The following RORA variants were observed in gnomAD, a reference collection of about 807,000 sequenced individuals.
RORA encodes RAR related orphan receptor A, also known as nuclear receptor ROR-alpha.
RORA carries 7 observed loss-of-function variants against 69.5 expected under a neutral mutation model. The observed-to-expected ratio is 0.10, with a 90% CI of 0.06 to 0.19. RORA has a LOEUF of 0.19. Ranked by LOEUF, RORA falls within the 10% of genes least tolerant of loss-of-function variation. The pLI, the probability that RORA is intolerant of heterozygous loss-of-function variation, is 1.00. For synonymous variants in RORA, 261 were observed against 240.8 expected (o/e 1.08, Z -0.78); for missense variants, 457 against 663.0 (o/e 0.69, Z 3.41).
At chr15:61,058,684 T>C (rs1048371947) in intron 1 of RORA, among the ~76,000 whole-genome samples, 2 of 152,140 alleles carry the variant, frequency 1.3e-5, no homozygotes, top group Non-Finnish European at 2.9e-5. Context: ...AGCCAGGGGA[T>C]TCAGGAGACC....
intron 5 of RORA, among the ~76,000 whole-genome samples, chr15:60,509,865 A>G (rs1385307631): frequency 6.6e-6 from 1 of 152,130 alleles, no homozygotes; most frequent in African/African-American, 2.4e-5. Flanking sequence ...TGTTAATCAA[A>G]AGAGCTGCAA....
intron 1 of RORA, among the ~76,000 whole-genome samples, chr15:61,008,743 C>T (rs1595875302): frequency 1.3e-5 from 2 of 152,110 alleles, no homozygotes; most frequent in South Asian, 4.1e-4. Context: ...AAATCCACAA[C>T]TGAGTACACT....
intron 1 of RORA, among the ~76,000 whole-genome samples, chr15:60,977,117 A>G (rs1204630782): frequency 7.4e-5 from 6 of 81,530 alleles, no homozygotes; most frequent in African/African-American, 1.1e-4. Flanking sequence ...ATTGGAGGGA[A>G]AAAAAAAAAA....
At chr15:60,652,779 A>T (rs1190052546) in intron 2 of RORA, among the ~76,000 whole-genome samples, 1 of 152,196 alleles carries the variant, frequency 6.6e-6, no homozygotes, top group East Asian at 1.9e-4. Context: ...CATTTAACAC[A>T]AACCACATGG....
chr15:60,661,013 G>C (rs2070295064), intron 2 of RORA, among the ~76,000 whole-genome samples: 1 of 150,202 alleles, frequency 6.7e-6, no homozygotes, highest in Admixed American at 6.6e-5. Context: ...TCCATAATAA[G>C]GGCGTGTAAT....
intron 1 of RORA, among the ~76,000 whole-genome samples, chr15:60,724,542 G>A (rs1268480143): frequency 3.9e-5 from 6 of 152,034 alleles, no homozygotes; most frequent in Admixed American, 6.5e-5. Flanking sequence ...CTTCCTGCTC[G>A]GACTCAGTAG....
intron 2 of RORA, among the ~76,000 whole-genome samples, chr15:60,602,868 A>G (rs370712629): frequency 2.2e-4 from 34 of 152,288 alleles, no homozygotes; most frequent in African/African-American, 7.2e-4. Context: ...TTTAACCACA[A>G]TTAAATTAAA....
intron 1 of RORA, among the ~76,000 whole-genome samples, chr15:60,890,660 T>C (rs569502593): frequency 6.6e-6 from 1 of 152,344 alleles, no homozygotes; most frequent in East Asian, 1.9e-4. Context: ...TGGGATGTTA[T>C]GCAAGGAAAT....
chr15:60,635,354 G>T (rs967775614), intron 2 of RORA, among the ~76,000 whole-genome samples: 65 of 152,132 alleles, frequency 4.3e-4, no homozygotes, highest in Admixed American at 4.2e-3. Flanking sequence ...TTTTTTTGAT[G>T]TGGAGAAGGG....
At chr15:60,817,078 T>C (rs1011178071) in intron 1 of RORA, among the ~76,000 whole-genome samples, 12 of 152,228 alleles carry the variant, frequency 7.9e-5, no homozygotes, top group South Asian at 2.1e-4. Flanking sequence ...CACGTATGCA[T>C]TGTGAAATGA....
intron 1 of RORA, among the ~76,000 whole-genome samples, chr15:60,961,354 C>T (rs1169758620): frequency 6.6e-6 from 1 of 152,116 alleles, no homozygotes; most frequent in Non-Finnish European, 1.5e-5. Flanking sequence ...TCTGATGGTC[C>T]TATAAAGGCA....
intron 2 of RORA, among the ~76,000 whole-genome samples, chr15:60,596,065 A>G (rs1179299418): frequency 6.6e-6 from 1 of 152,204 alleles, no homozygotes; most frequent in East Asian, 1.9e-4. Context: ...CCTATGTTAC[A>G]GTTTAAATAA....
chr15:60,644,202 A>G (rs2069995355), intron 2 of RORA, among the ~76,000 whole-genome samples: 1 of 152,208 alleles, frequency 6.6e-6, no homozygotes, highest in Admixed American at 6.5e-5. Context: ...CCAAGATTTT[A>G]AGACTTTCAA....
At chr15:61,206,281 T>C (rs911902903) in intron 1 of RORA, among the ~76,000 whole-genome samples, 1 of 152,220 alleles carries the variant, frequency 6.6e-6, no homozygotes, top group African/African-American at 2.4e-5. Flanking sequence ...GAAATTCTTA[T>C]TTCTATATCA....
chr15:60,950,502 TAA>T (rs1424181061), intron 1 of RORA, among the ~76,000 whole-genome samples: 3 of 131,078 alleles, frequency 2.3e-5, no homozygotes, highest in African/African-American at 8.8e-5. Flanking sequence ...GCAAATTGGA[TAA>T]AGAGTCAAGA....
chr15:61,150,461 C>G (rs560063327), intron 1 of RORA, among the ~76,000 whole-genome samples: 85 of 152,312 alleles, frequency 5.6e-4, no homozygotes, highest in Middle Eastern at 3.4e-3. Flanking sequence ...TCAGCCCTCC[C>G]TATGCTAACA....
At chr15:60,934,060 A>C (rs560408410) in intron 1 of RORA, among the ~76,000 whole-genome samples, 11 of 152,338 alleles carry the variant, frequency 7.2e-5, no homozygotes, top group African/African-American at 2.6e-4. Flanking sequence ...CATATGCATC[A>C]ATAGGGGTGG....
At chr15:60,640,351 T>C (rs2069920616) in intron 2 of RORA, among the ~76,000 whole-genome samples, 1 of 152,230 alleles carries the variant, frequency 6.6e-6, no homozygotes, top group African/African-American at 2.4e-5. Context: ...TGCTGCCATG[T>C]CAGTCCAACG....
chr15:60,546,925 CCCTT>C (rs1315357274), intron 2 of RORA, among the ~76,000 whole-genome samples: 1 of 152,162 alleles, frequency 6.6e-6, no homozygotes, highest in African/African-American at 2.4e-5. Context: ...TGTTGTCCCT[CCCTT>C]CAGCTTCCCA....
Sources: gnomAD v4.1 joint callset for allele counts (sites outside exome capture counted in the v4.1 genomes callset) on GRCh38, gnomAD v4.1.1 for gene constraint, MANE v1.5 for transcripts, NCBI Gene and HGNC (gene_info 2026-07-23, HGNC 2026-07-21) for gene names.